ARHGEF2: variants seen among roughly 807,000 people sequenced by gnomAD.
The protein encoded by ARHGEF2 is rho guanine nucleotide exchange factor 2.
In ARHGEF2, 22 loss-of-function variants were observed where a neutral mutation model predicts 121.0. The observed-to-expected ratio is 0.18, with a 90% CI of 0.13 to 0.26. ARHGEF2 has a LOEUF of 0.26. Among genes scored for constraint, ARHGEF2 ranks in the 10% least tolerant of loss-of-function variants. The pLI is 1.00. For missense variants in ARHGEF2, 907 were observed against 1,336.0 expected (o/e 0.68, Z 5.01); for synonymous variants, 487 against 530.0 (o/e 0.92, Z 1.11).
chr1:155,953,989 G>T (rs552458813), intron 14 of ARHGEF2, among the ~76,000 whole-genome samples: 6 of 151,760 alleles, frequency 4.0e-5, no homozygotes, highest in South Asian at 2.1e-4. Flanking sequence ...GGTTTTTTTT[G>T]TTGTTGTTGT....
intron 7 of ARHGEF2, among the ~76,000 whole-genome samples, chr1:155,964,155 A>T (rs1380855317): frequency 3.7e-3 from 133 of 36,408 alleles, no homozygotes; most frequent in Middle Eastern, 8.2e-3. Flanking sequence ...AAAAAAAAAA[A>T]AAAAAAAAAA....
chr1:155,947,884 G>T lies in ARHGEF2; in HGVS notation c.*58C>A. On this transcript the variant is annotated 3_prime_UTR_variant, in exon 22 of 22. Transcript: ENST00000361247. Reference sequence around the variant, plus strand: ...ATCATTGGCAAATTGGAGTCCCCAAGGTTAGCCCCCTCAGTAATGTTCTTC... The same window carrying T: ...ATCATTGGCAAATTGGAGTCCCCAATGTTAGCCCCCTCAGTAATGTTCTTC... 9.1e-7 allele frequency: 1 copy of T among 1,096,828 alleles called. No individual in the cohort carries two copies. Among genetic ancestry groups the T allele is most frequent in the Non-Finnish European group, 1.3e-6 (1 of 749,046 alleles). The allele number at this position is 1,096,828 out of a possible 1,614,324, so 67.9% of individuals were successfully genotyped here. A position where few individuals can be genotyped will look rare whatever the true frequency, so the allele number is the denominator to read the frequency against.
chr1:155,972,974 G>C (rs1043286803), intron 1 of ARHGEF2, among the ~76,000 whole-genome samples: 1 of 152,066 alleles, frequency 6.6e-6, no homozygotes, highest in Non-Finnish European at 1.5e-5. Flanking sequence ...CAAAGTGCTA[G>C]AATTATAGGT....
intron 11 of ARHGEF2, among the ~76,000 whole-genome samples, chr1:155,958,717 T>G (rs1677212661): frequency 6.6e-6 from 1 of 151,474 alleles, no homozygotes; most frequent in Non-Finnish European, 1.5e-5. Context: ...CTGGGACTAC[T>G]ACAGGCGTGT....
At chr1:155,964,178 A>ATATG (rs1558031145) in intron 7 of ARHGEF2, among the ~76,000 whole-genome samples, 1 of 101,076 alleles carries the variant, frequency 9.9e-6, no homozygotes, top group African/African-American at 4.3e-5. Context: ...ATATATATAT[A>ATATG]TATATATATA....
chr1:155,961,510 G>A lies in ARHGEF2; in HGVS notation c.1468+151C>T, dbSNP rs1677914249. 1.2e-5 allele frequency: 13 copies of A among 1,117,966 alleles called. No individual in the cohort carries two copies. The highest frequency in any genetic ancestry group is 6.0e-5 in the South Asian group (4 of 66,956). The allele number at this position is 1,117,966 out of a possible 1,614,324, so 69.3% of individuals were successfully genotyped here. A position where few individuals can be genotyped will look rare whatever the true frequency, so the allele number is the denominator to read the frequency against. ...AGGATGGTCTCAATCTCCTGACCTC[G>A]TGATCCGCCCGCCTCGGCCTCCCTA... On this transcript the variant is annotated intron_variant, in intron 11 of 21. Coordinates refer to ENST00000361247, the MANE Select transcript of ARHGEF2 (RefSeq NM_001162383.2). This position sits in a 1 kb window ranked among gnomAD's most constrained non-coding sequence, Gnocchi z 4.7.
At chr1:155,948,976 G>A (rs1037585745) in intron 21 of ARHGEF2, among the ~76,000 whole-genome samples, 1 of 152,026 alleles carries the variant, frequency 6.6e-6, no homozygotes, top group Non-Finnish European at 1.5e-5. Flanking sequence ...GACCAGGCAC[G>A]GTGGCTCACA....
chr1:155,962,784 A>G lies in ARHGEF2; in HGVS notation c.976-66T>C, dbSNP rs1572129778. 6.2e-7 allele frequency: 1 copy of G among 1,602,532 alleles called. No individual in the cohort carries two copies. The highest frequency in any genetic ancestry group is 1.1e-5 in the South Asian group (1 of 89,860). On this transcript the variant is annotated intron_variant, in intron 8 of 21. Transcript: ENST00000361247. The surrounding 1 kb of genome is among the most constrained non-coding windows in gnomAD (Gnocchi z 5.8). ...AAGCCACACTTTACCCACTGGACAC[A>G]CCTCTGGCCTCCTGCCAAACAGGCT...
chr1:155,971,644 G>A (rs1012259034), intron 1 of ARHGEF2, among the ~76,000 whole-genome samples: 1 of 148,014 alleles, frequency 6.8e-6, no homozygotes, highest in East Asian at 2.0e-4. Flanking sequence ...CAAACACCAA[G>A]TCCAAAAATC....
intron 11 of ARHGEF2, among the ~76,000 whole-genome samples, chr1:155,959,424 T>C (rs1677426544): frequency 6.6e-6 from 1 of 152,072 alleles, no homozygotes; most frequent in Non-Finnish European, 1.5e-5. Flanking sequence ...ATTTTTTGCA[T>C]TTTTGTAGAG....
intron 3 of ARHGEF2, 52 bp downstream of exon 3, chr1:155,966,768 C>T (rs1356733867): frequency 1.4e-5 from 21 of 1,489,208 alleles, no homozygotes; most frequent in Non-Finnish European, 1.8e-5. Flanking sequence ...CATGAGGGTA[C>T]CGCACACTCA....
At chr1:155,971,892 A>AT (rs1223020432) in intron 1 of ARHGEF2, among the ~76,000 whole-genome samples, 736 of 151,548 alleles carry the variant, frequency 4.9e-3, no homozygotes, top group Non-Finnish European at 7.1e-3. Context: ...ATAAAAAAAA[A>AT]AAATATATAC....
Position 155,978,312 on chromosome 1 carries a change from G to T in ARHGEF2, c.63+53C>A, listed in dbSNP as rs1250113443. 1.0e-5 allele frequency: 15 copies of T among 1,430,732 alleles called. No individual in the cohort carries two copies. In the East Asian group the frequency reaches 1.1e-4, roughly 11 times the overall value. 88.6% of individuals were successfully genotyped at this position (1,430,732 alleles called of 1,614,324 possible). A position where few individuals can be genotyped will look rare whatever the true frequency, so the allele number is the denominator to read the frequency against. On this transcript the variant is annotated intron_variant, in intron 1 of 21. Coordinates refer to ENST00000361247, the MANE Select transcript of ARHGEF2 (RefSeq NM_001162383.2). This position sits in a 1 kb window ranked among gnomAD's most constrained non-coding sequence, Gnocchi z 4.1. ...CAGGAGATGCACCGCGGGTGCCGGG[G>T]TTCGGGGAGCACCCGAGGACCGCGG...
In ARHGEF2 at chr1:155,961,551, G is replaced by A. The variant is rs1677926253; in HGVS notation, c.1468+110C>T. The A allele has an allele frequency of 3.4e-6, 5 of 1,464,580 alleles. No homozygotes were observed. In the East Asian group the frequency reaches 1.1e-4, roughly 33 times the overall value. 90.7% of individuals were successfully genotyped at this position (1,464,580 alleles called of 1,614,324 possible). A position where few individuals can be genotyped will look rare whatever the true frequency, so the allele number is the denominator to read the frequency against. On this transcript the variant is annotated intron_variant, in intron 11 of 21. Coordinates refer to ENST00000361247, the MANE Select transcript of ARHGEF2 (RefSeq NM_001162383.2). The surrounding 1 kb of genome is among the most constrained non-coding windows in gnomAD (Gnocchi z 4.7). ...GGCCTCCCTAAGTGCTGGGATTACA[G>A]GCGTTGAGCCACTGCACCCGGCCAA... is the stretch of plus-strand genomic sequence containing the variant.
At chr1:155,973,911 G>A (rs891037090) in intron 1 of ARHGEF2, among the ~76,000 whole-genome samples, 2 of 152,092 alleles carry the variant, frequency 1.3e-5, no homozygotes, top group Admixed American at 1.3e-4. Context: ...GGAGGGGAAG[G>A]CAATGCCAAG....
chr1:155,952,261 A>G, intron 15 of ARHGEF2, 26 bp from the exon 16 acceptor site: 1 of 1,613,120 alleles, frequency 6.2e-7, no homozygotes, highest in Non-Finnish European at 8.5e-7. Context: ...AAGAGGTGAG[A>G]ACAGGAATGA....
chr1:155,970,304 T>A, intron 1 of ARHGEF2: 1 of 985,624 alleles, frequency 1.0e-6, no homozygotes, highest in Non-Finnish European at 1.2e-6. Context: ...TGCCCCTGCC[T>A]CTGCAAGTCA....
chr1:155,978,596 C>G (rs544432195), upstream of ARHGEF2: 11 of 1,265,046 alleles, frequency 8.7e-6, no homozygotes, highest in East Asian at 2.5e-4. This position sits in a 1 kb window ranked among gnomAD's most constrained non-coding sequence, Gnocchi z 4.1. Flanking sequence ...GTCTCCTCCC[C>G]CGCCCAAGCT....
rs984836708 is a variant in ARHGEF2, at chr1:155,958,406, G to T, written c.1469-10C>A. ...AGCAGCACTAGCACATCTGGAAGGG[G>T]ATGAAGGTGGGAGAACAGTCAGCAC... On this transcript the variant is annotated splice_polypyrimidine_tract_variant and intron_variant, in intron 11 of 21. Transcript: ENST00000361247. The T allele has an allele frequency of 3.7e-6, 6 of 1,611,754 alleles. No individual in the cohort carries two copies. Among genetic ancestry groups the T allele is most frequent in the Non-Finnish European group, 5.1e-6 (6 of 1,178,146 alleles).
Sources: allele counts gnomAD v4.1 joint callset (sites outside exome capture counted in the v4.1 genomes callset), GRCh38; gene constraint gnomAD v4.1.1; non-coding constraint Gnocchi (gnomAD v3.1); transcripts MANE v1.5; gene names NCBI Gene and HGNC (gene_info 2026-07-23, HGNC 2026-07-21).